Variants in BFSP2 observed in about 807,000 individuals in gnomAD.
BFSP2 encodes the protein beaded filament structural protein 2, also known as phakinin.
BFSP2 carries 38 observed loss-of-function variants against 44.9 expected under a neutral mutation model. The observed-to-expected ratio is 0.85, with a 90% CI of 0.65 to 1.11. The LOEUF (loss-of-function observed/expected upper bound fraction) is 1.11. Among genes scored for constraint, BFSP2 ranks in the 50% least tolerant of loss-of-function variants. The pLI is 0.00. For synonymous variants in BFSP2, 197 were observed against 209.9 expected (o/e 0.94, Z 0.53); for missense variants, 525 against 533.0 (o/e 0.99, Z 0.15).
chr3:133,450,763 CAA>C (rs2073955959), intron 4 of BFSP2, among the ~76,000 whole-genome samples: 1 of 151,970 alleles, frequency 6.6e-6, no homozygotes. Context: ...TAATATGCAC[CAA>C]GAGTGTTAAA....
intron 1 of BFSP2, among the ~76,000 whole-genome samples, chr3:133,405,672 C>T (rs192318242): frequency 5.1e-4 from 77 of 152,334 alleles, no homozygotes; most frequent in Non-Finnish European, 7.2e-4. Flanking sequence ...ACACATTTCC[C>T]CAAGAAAAAG....
chr3:133,436,694 G>A (rs1348402922), intron 1 of BFSP2, among the ~76,000 whole-genome samples: 6 of 152,170 alleles, frequency 3.9e-5, no homozygotes, highest in Non-Finnish European at 8.8e-5. Context: ...CCATGTTGGT[G>A]TGCTGCACCC....
At chr3:133,425,787 A>AAGGGAAAGGGAAAG (rs372528952) in intron 1 of BFSP2, among the ~76,000 whole-genome samples, 8 of 127,382 alleles carry the variant, frequency 6.3e-5, no homozygotes, top group Admixed American at 3.0e-4. Context: ...GGGAAAGGGA[A>AAGGGAAAGGGAAAG]GGGAAGGGAA....
In BFSP2 at chr3:133,400,262, C is replaced by G; in HGVS notation, c.179C>G (p.Thr60Arg). 1.2e-6 allele frequency: 2 copies of G among 1,614,044 alleles called. No homozygotes were observed. Among genetic ancestry groups the G allele is most frequent in the Non-Finnish European group, 1.7e-6 (2 of 1,180,000 alleles). Residue 60 changes from threonine to arginine, a missense_variant, in exon 1 of 7, where the codon ACA (threonine) becomes AGA (arginine). Thr to Arg is a moderately conservative substitution (Grantham distance 71). Transcript: ENST00000302334. The surrounding 1 kb of genome is among the most constrained non-coding windows in gnomAD (Gnocchi z 4.0). ...LVRAPGVYVG[T>R]APSGCIGGLG... ...CGAGCACCCGGGGTCTATGTAGGAA[C>G]AGCACCCAGTGGGTGCATAGGTGGC...
At chr3:133,413,217 TG>T (rs1006803767) in intron 1 of BFSP2, among the ~76,000 whole-genome samples, 13 of 151,730 alleles carry the variant, frequency 8.6e-5, no homozygotes, top group Admixed American at 6.6e-5. Context: ...GCTTTTGGGG[TG>T]GGGGAAGCAG....
At chr3:133,448,092 T>C (rs1399033807) in intron 2 of BFSP2, among the ~76,000 whole-genome samples, 1 of 152,200 alleles carries the variant, frequency 6.6e-6, no homozygotes, top group Admixed American at 6.6e-5. Flanking sequence ...CCACATTTCT[T>C]ATTTTGGGGT....
intron 1 of BFSP2, among the ~76,000 whole-genome samples, chr3:133,425,014 C>T (rs974714325): frequency 6.6e-6 from 1 of 152,208 alleles, no homozygotes; most frequent in Non-Finnish European, 1.5e-5. Context: ...AAGGCTACAA[C>T]TCCTTAGCCT....
In BFSP2 at chr3:133,404,834, C is replaced by T. The variant is rs556060823; in HGVS notation, c.489+4262C>T. On this transcript the variant is annotated intron_variant, in intron 1 of 6. Transcript: ENST00000302334. ...GAAGTTCTGTTTCAATTCCAAACCTCTCTCCTCCCACTCCTCAGCTGTGTT... is the reference window on the plus strand; with the variant it reads ...GAAGTTCTGTTTCAATTCCAAACCTTTCTCCTCCCACTCCTCAGCTGTGTT... 7 of 152,338 alleles carry T rather than the reference C, an allele frequency of 4.6e-5. No homozygotes were observed. In the East Asian group the frequency reaches 1.3e-3, roughly 29 times the overall value. 9.4% of individuals were successfully genotyped at this position (152,338 alleles called of 1,614,324 possible).
At position 133,400,402 on chromosome 3, in the gene BFSP2, G is replaced by A. The variant is rs1471307559; in HGVS notation, c.319G>A (p.Ala107Thr). 1 of 1,614,092 alleles carries A rather than the reference G, an allele frequency of 6.2e-7. No individual in the cohort carries two copies. Among genetic ancestry groups the A allele is most frequent in the Non-Finnish European group, 8.5e-7 (1 of 1,180,046 alleles). ...PAPGLERDHG[A>T]VEDLGGCLVE... Reference sequence around the variant, plus strand: ...TCCAGGTTTGGAGAGGGACCATGGTGCTGTTGAGGACCTAGGGGGCTGCCT... The same window carrying A: ...TCCAGGTTTGGAGAGGGACCATGGTACTGTTGAGGACCTAGGGGGCTGCCT... The change falls in exon 1 of 7, where the codon GCT (alanine) becomes ACT (threonine). Residue 107 changes from alanine (A) to threonine (T), a missense_variant. Coordinates refer to ENST00000302334, the MANE Select transcript of BFSP2 (RefSeq NM_003571.4). The surrounding 1 kb of genome is among the most constrained non-coding windows in gnomAD (Gnocchi z 4.0).
chr3:133,461,329 G>C (rs79176393), intron 4 of BFSP2, among the ~76,000 whole-genome samples: 1 of 152,238 alleles, frequency 6.6e-6, no homozygotes, highest in East Asian at 1.9e-4. Context: ...TTTGAAATTT[G>C]AAAATCTTTA....
intron 5 of BFSP2, among the ~76,000 whole-genome samples, chr3:133,469,352 GC>G (rs746446652): frequency 6.6e-6 from 1 of 152,224 alleles, no homozygotes; most frequent in Non-Finnish European, 1.5e-5. Context: ...CACACACAAG[GC>G]CCCCGCAGCT....
intron 1 of BFSP2, among the ~76,000 whole-genome samples, chr3:133,431,118 G>C (rs1462279890): frequency 6.6e-6 from 1 of 151,898 alleles, no homozygotes; most frequent in Non-Finnish European, 1.5e-5. Flanking sequence ...TACAGCCCTA[G>C]ACCCTAAAAG....
chr3:133,404,628 G>A (rs939796264), intron 1 of BFSP2, among the ~76,000 whole-genome samples: 8 of 152,246 alleles, frequency 5.3e-5, no homozygotes, highest in South Asian at 2.1e-4. Context: ...CCCAGGGAGT[G>A]GAAATTAAAT....
intron 1 of BFSP2, among the ~76,000 whole-genome samples, chr3:133,420,448 G>A (rs571933473): frequency 2.4e-4 from 36 of 152,276 alleles, no homozygotes; most frequent in African/African-American, 6.5e-4. Context: ...GTTGCAGAGC[G>A]TCCTTGCCTC....
At chr3:133,436,413 T>A (rs1015248956) in intron 1 of BFSP2, among the ~76,000 whole-genome samples, 1 of 151,972 alleles carries the variant, frequency 6.6e-6, no homozygotes, top group Non-Finnish European at 1.5e-5. Flanking sequence ...CTTGTCTATA[T>A]GATAGGTTAT....
At chr3:133,467,066 C>G in intron 5 of BFSP2, 107 bp downstream of exon 5, 1 of 1,484,312 alleles carries the variant, frequency 6.7e-7, no homozygotes, top group Admixed American at 1.9e-5. Flanking sequence ...CATCTCACAG[C>G]ATATGAGTTT....
chr3:133,429,495 C>T (rs2073687352), intron 1 of BFSP2: 2 of 152,220 alleles, frequency 1.3e-5, no homozygotes, highest in African/African-American at 4.8e-5. Context: ...TGAGAATACC[C>T]ACATTATGGC....
At chr3:133,470,571 C>T (rs1260286707) in intron 5 of BFSP2, among the ~76,000 whole-genome samples, 1 of 152,200 alleles carries the variant, frequency 6.6e-6, no homozygotes, top group East Asian at 1.9e-4. Flanking sequence ...CTGTAGTTTT[C>T]AGGACATGGT....
intron 1 of BFSP2, among the ~76,000 whole-genome samples, chr3:133,416,999 A>C (rs1576563599): frequency 6.1e-5 from 5 of 82,620 alleles, no homozygotes; most frequent in South Asian, 8.2e-4. Context: ...CCCTCTACTC[A>C]CCTCTGCCCT....
Sources: allele counts gnomAD v4.1 joint callset (sites outside exome capture counted in the v4.1 genomes callset), GRCh38; gene constraint gnomAD v4.1.1; non-coding constraint Gnocchi (gnomAD v3.1); transcripts MANE v1.5; gene names NCBI Gene and HGNC (gene_info 2026-07-23, HGNC 2026-07-21).